Variants in LRRIQ3 observed in about 807,000 individuals in gnomAD.
LRRIQ3 encodes leucine-rich repeat and IQ domain-containing protein 3.
A neutral mutation model predicts 59.3 loss-of-function variants in LRRIQ3; 75 were observed. The observed-to-expected ratio is 1.26, with a 90% confidence interval of 1.05 to 1.53. LRRIQ3 has a LOEUF of 1.53. Ranked by LOEUF, LRRIQ3 falls within the 40% of genes most tolerant of loss-of-function variation. The pLI is 0.00. For missense variants in LRRIQ3, 831 were observed against 710.0 expected, an observed-to-expected ratio of 1.17 and a Z score of -1.94; for synonymous variants, 250 against 231.3, an observed-to-expected ratio of 1.08 and a Z score of -0.73.
At chr1:74,178,696 T>A (rs948708057) in intron 3 of LRRIQ3, among the ~76,000 whole-genome samples, 2 of 152,146 alleles carry the variant, frequency 1.3e-5, no homozygotes, top group African/African-American at 4.8e-5. Context: ...AGGAAGTAAA[T>A]GTGTCCACTT....
intron 1 of LRRIQ3, among the ~76,000 whole-genome samples, chr1:74,197,295 C>T (rs1457819661): frequency 6.6e-6 from 1 of 152,152 alleles, no homozygotes; most frequent in Admixed American, 6.5e-5. Context: ...AAAAATCAAA[C>T]GGTATGGTGA....
At chr1:74,029,996 A>G (rs1653648754) in intron 7 of LRRIQ3, among the ~76,000 whole-genome samples, 1 of 152,032 alleles carries the variant, frequency 6.6e-6, no homozygotes, top group African/African-American at 2.4e-5. Flanking sequence ...AGAGAGCCAA[A>G]TCATGAGTGA....
intron 3 of LRRIQ3, among the ~76,000 whole-genome samples, chr1:74,166,878 A>C (rs1649023145): frequency 6.6e-6 from 1 of 151,930 alleles, no homozygotes; most frequent in South Asian, 2.1e-4. Flanking sequence ...TGTCAGGAAA[A>C]CACAAATCAA....
At chr1:74,028,679 T>G (rs1653594472) in intron 7 of LRRIQ3, among the ~76,000 whole-genome samples, 1 of 151,904 alleles carries the variant, frequency 6.6e-6, no homozygotes, top group African/African-American at 2.4e-5. Context: ...TTGGTGTGAT[T>G]TTAGATAGGT....
chr1:74,127,479 A>G (rs1331659312), intron 4 of LRRIQ3, among the ~76,000 whole-genome samples: 2 of 151,476 alleles, frequency 1.3e-5, no homozygotes, highest in African/African-American at 4.8e-5. Context: ...TTGTGTGTGT[A>G]TCTGCTGTAT....
intron 5 of LRRIQ3, among the ~76,000 whole-genome samples, chr1:74,097,709 A>G (rs1646468021): frequency 6.6e-6 from 1 of 152,206 alleles, no homozygotes; most frequent in Admixed American, 6.5e-5. Context: ...TGGATCTCTC[A>G]GAAGAAACTC....
At chr1:74,030,304 T>G (rs1653661794) in intron 7 of LRRIQ3, among the ~76,000 whole-genome samples, 1 of 152,000 alleles carries the variant, frequency 6.6e-6, no homozygotes, top group South Asian at 2.1e-4. Context: ...CAATGCCAAG[T>G]CAATCCTAAG....
chr1:74,095,580 A>T (rs1037229667), intron 5 of LRRIQ3, among the ~76,000 whole-genome samples: 1 of 152,146 alleles, frequency 6.6e-6, no homozygotes, highest in Non-Finnish European at 1.5e-5. Flanking sequence ...CCTAAATCTC[A>T]TAAGCAACTT....
intron 6 of LRRIQ3, among the ~76,000 whole-genome samples, chr1:74,064,261 C>T (rs1350550990): frequency 6.6e-6 from 1 of 151,760 alleles, no homozygotes; most frequent in African/African-American, 2.4e-5. Context: ...TATCCTATTT[C>T]TTTCTGTAGG....
chr1:74,128,656 G>C (rs11585837), intron 4 of LRRIQ3, among the ~76,000 whole-genome samples: 81,388 of 151,840 alleles, frequency 0.54, 22,199 homozygotes, highest in East Asian at 0.82. Context: ...TGATGCTTGT[G>C]AATGTTTATC....
chr1:74,054,971 A>G (rs1356867991), intron 6 of LRRIQ3, among the ~76,000 whole-genome samples: 1 of 147,396 alleles, frequency 6.8e-6, no homozygotes, highest in Non-Finnish European at 1.5e-5. Flanking sequence ...AAAATATTAT[A>G]AATATATAAT....
chr1:74,159,633 C>A (rs1557645863), intron 3 of LRRIQ3, among the ~76,000 whole-genome samples: 1 of 152,034 alleles, frequency 6.6e-6, no homozygotes, highest in Non-Finnish European at 1.5e-5. Flanking sequence ...TCTTTCTTGG[C>A]TAACTCTTCT....
chr1:74,109,186 G>C, intron 5 of LRRIQ3: 1 of 390,026 alleles, frequency 2.6e-6, no homozygotes, highest in Middle Eastern at 7.6e-4. Context: ...TTAAATGGTT[G>C]TGGTATACTA....
intron 4 of LRRIQ3, among the ~76,000 whole-genome samples, chr1:74,139,424 A>G (rs887843348): frequency 1.3e-5 from 2 of 151,816 alleles, no homozygotes; most frequent in African/African-American, 2.4e-5. Context: ...TTTTCTCACC[A>G]TAACAACCAC....
chr1:74,182,383 A>ATTACAT lies in LRRIQ3; in HGVS notation c.573+154_573+155insATGTAA, dbSNP rs1650033065. 7.4e-6 allele frequency: 3 copies of ATTACAT among 405,158 alleles called. No homozygotes were observed. The Admixed American group carries it at 1.3e-4, about 17-fold the overall frequency. The allele number at this position is 405,158 out of a possible 1,614,324, so 25.1% of individuals were successfully genotyped here. ...TGCAAACTTTTATCAAGTTTCAGAT[A>ATTACAT]GAAAGACATTACAAATATATTCATT... On this transcript the variant is annotated intron_variant, in intron 3 of 7. Transcript: ENST00000354431.
At chr1:74,030,706 G>A (rs994336199) in intron 7 of LRRIQ3, among the ~76,000 whole-genome samples, 1 of 152,130 alleles carries the variant, frequency 6.6e-6, no homozygotes, top group African/African-American at 2.4e-5. Context: ...CATGGGCAAG[G>A]ACTTCATGTC....
At chr1:74,195,336 G>A (rs1375212166) in intron 1 of LRRIQ3, among the ~76,000 whole-genome samples, 2 of 152,108 alleles carry the variant, frequency 1.3e-5, no homozygotes, top group Non-Finnish European at 2.9e-5. Context: ...GAGCTCCACA[G>A]TATATAATCC....
chr1:74,030,658 C>G (rs187874517), intron 7 of LRRIQ3, among the ~76,000 whole-genome samples: 1 of 152,114 alleles, frequency 6.6e-6, no homozygotes, highest in Non-Finnish European at 1.5e-5. Flanking sequence ...CATAAAAACC[C>G]TAAAAGAAAA....
At chr1:74,195,727 CTG>C (rs1248694402) in intron 1 of LRRIQ3, among the ~76,000 whole-genome samples, 1 of 152,050 alleles carries the variant, frequency 6.6e-6, no homozygotes, top group African/African-American at 2.4e-5. Flanking sequence ...AGATTATTTC[CTG>C]TGTGTTTGAT....
Sources: gnomAD v4.1 joint callset for allele counts (sites outside exome capture counted in the v4.1 genomes callset) on GRCh38, gnomAD v4.1.1 for gene constraint, MANE v1.5 for transcripts, NCBI Gene and HGNC (gene_info 2026-07-23, HGNC 2026-07-21) for gene names.